Variants in NXN observed in about 807,000 individuals in gnomAD.
The protein encoded by NXN is nucleoredoxin 1.
Under a neutral mutation model 48.6 loss-of-function variants are expected in NXN, and 16 were observed. The ratio of observed to expected loss-of-function variants is 0.33; its 90% CI spans 0.22 to 0.50. The LOEUF is 0.50. Among genes scored for constraint, NXN ranks in the 20% least tolerant of loss-of-function variants. NXN has a pLI of 0.98. For synonymous variants in NXN, 281 were observed against 269.6 expected (o/e 1.04, Z -0.41); for missense variants, 492 against 605.5 (o/e 0.81, Z 1.97).
intron 1 of NXN, among the ~76,000 whole-genome samples, chr17:861,069 G>A (rs2068035358): frequency 6.6e-6 from 1 of 152,118 alleles, no homozygotes; most frequent in Non-Finnish European, 1.5e-5. Context: ...AAGGGCCCTG[G>A]GCAGCTGGTT....
In NXN at chr17:802,047, A is replaced by T. The variant is rs901836326; in HGVS notation, c.1126-916T>A. ...GCAGCTGTCCTGGTGAATTTCCCTA[A>T]TAGCAGACATAGCCTCATGCAGACA... On this transcript the variant is annotated intron_variant, in intron 7 of 7. Transcript: ENST00000336868. Among the ~76,000 whole-genome samples the T allele has an allele frequency of 5.3e-5, 8 of 152,200 alleles. No individual in the cohort carries two copies. In the South Asian group the frequency reaches 1.2e-3, roughly 24 times the overall value.
chr17:976,468 A>G (rs1249801283), intron 1 of NXN, among the ~76,000 whole-genome samples: 1 of 152,196 alleles, frequency 6.6e-6, no homozygotes, highest in Non-Finnish European at 1.5e-5. Flanking sequence ...TGTTAATGAG[A>G]ATTTAAAAAA....
intron 1 of NXN, among the ~76,000 whole-genome samples, chr17:965,306 T>C (rs1056635155): frequency 2.0e-5 from 3 of 152,194 alleles, no homozygotes; most frequent in African/African-American, 7.2e-5. Context: ...ATTCTCCAGA[T>C]GGCAGAGAGC....
intron 1 of NXN, among the ~76,000 whole-genome samples, chr17:887,862 A>G (rs2144856430): frequency 6.6e-6 from 1 of 152,358 alleles, no homozygotes; most frequent in Non-Finnish European, 1.5e-5. Flanking sequence ...CAGAGAGGCA[A>G]GGACGTGGGC....
At chr17:968,401 C>G (rs1298316091) in intron 1 of NXN, among the ~76,000 whole-genome samples, 1 of 152,140 alleles carries the variant, frequency 6.6e-6, no homozygotes, top group East Asian at 1.9e-4. Context: ...TAGAATTACA[C>G]CCATATGCAA....
chr17:830,419 A>G lies in NXN; in HGVS notation c.361-4341T>C, dbSNP rs1174082704. Among the ~76,000 whole-genome samples the G allele has an allele frequency of 6.6e-6, 1 of 152,078 alleles. No homozygotes were observed. Among genetic ancestry groups the G allele is most frequent in the Non-Finnish European group, 1.5e-5 (1 of 68,024 alleles). On this transcript the variant is annotated intron_variant, in intron 1 of 7. Transcript: ENST00000336868. This position sits in a 1 kb window ranked among gnomAD's most constrained non-coding sequence, Gnocchi z 4.2. ...TCACGGCTGCAACTGGGAAGCTGGG[A>G]TGGCAGCGTGGATTCCAGAGACAGG...
chr17:838,239 C>G (rs1913939990), intron 1 of NXN, among the ~76,000 whole-genome samples: 1 of 142,138 alleles, frequency 7.0e-6, no homozygotes, highest in East Asian at 2.2e-4. Context: ...TCAAGCAATT[C>G]TTCTGCCTCC....
Position 979,446 on chromosome 17 carries a change from G to T in NXN, c.233C>A (p.Ala78Glu). The change falls in exon 1 of 8, where the codon GCG (alanine) becomes GAG (glutamate). Residue 78 changes from alanine (A) to glutamate (E), a missense_variant. By Grantham distance (107) the Ala-to-Glu change is moderately radical. Transcript: ENST00000336868. ...CAGGCGCCGCCGCGGCTCGGGCTCC[G>T]CCGCCGCCCCGGCCCCCGCTCCCGG... ...PGPGAGAGAAAEPEPRRRLEI... is the reference protein window; with the variant it reads ...PGPGAGAGAAEEPEPRRRLEI... 8.0e-7 allele frequency: 1 copy of T among 1,256,392 alleles called. No homozygotes were observed. The allele number at this position is 1,256,392 out of a possible 1,614,324, so 77.8% of individuals were successfully genotyped here. A position where few individuals can be genotyped will look rare whatever the true frequency, so the allele number is the denominator to read the frequency against.
intron 1 of NXN, among the ~76,000 whole-genome samples, chr17:887,331 G>T (rs2144855045): frequency 6.6e-6 from 1 of 152,274 alleles, no homozygotes; most frequent in East Asian, 1.9e-4. Flanking sequence ...GGGAGGTGTG[G>T]ACAACGTACA....
At chr17:862,325 C>T (rs777696688) in intron 1 of NXN, among the ~76,000 whole-genome samples, 1 of 152,138 alleles carries the variant, frequency 6.6e-6, no homozygotes, top group East Asian at 1.9e-4. Flanking sequence ...GGATCAGCTT[C>T]GGCAACATAG....
intron 1 of NXN, among the ~76,000 whole-genome samples, chr17:948,358 A>C (rs1434244921): frequency 6.6e-6 from 1 of 152,126 alleles, no homozygotes; most frequent in Non-Finnish European, 1.5e-5. Context: ...CAAAGGAAAC[A>C]AAACAGAAAA....
chr17:857,854 G>A (rs776804037), intron 1 of NXN, among the ~76,000 whole-genome samples: 87 of 152,040 alleles, frequency 5.7e-4, no homozygotes, highest in Non-Finnish European at 9.9e-4. Context: ...TATTCCTTTT[G>A]TAGTTTTCTT....
At chr17:916,747 A>C (rs2068692197) in intron 1 of NXN, among the ~76,000 whole-genome samples, 3 of 152,122 alleles carry the variant, frequency 2.0e-5, no homozygotes, top group Admixed American at 1.3e-4. Flanking sequence ...AAATACAAAA[A>C]ACTAGCCAGG....
Position 801,082 on chromosome 17 carries a change from G to T in NXN, c.1175C>A (p.Ala392Asp). Residue 392 changes from alanine (A) to aspartate (D), a missense_variant, in exon 8 of 8, where the codon GCC becomes GAC. Coordinates refer to ENST00000336868, the MANE Select transcript of NXN (RefSeq NM_022463.5). The part of the protein sequence containing the change: ...LRDYTNLPEA[A>D]PLLTILDMSA... ...CATGTCCAGGATGGTGAGCAAAGGG[G>T]CAGCCTCAGGCAGGTTGGTGTAATC... 3 of 1,575,112 alleles carry T rather than the reference G, an allele frequency of 1.9e-6. No homozygotes were observed. The highest frequency in any genetic ancestry group is 2.6e-6 in the Non-Finnish European group (3 of 1,159,698).
chr17:924,017 G>A (rs1355414632), intron 1 of NXN, among the ~76,000 whole-genome samples: 1 of 151,914 alleles, frequency 6.6e-6, no homozygotes, highest in East Asian at 1.9e-4. Context: ...CAGTGGGGAG[G>A]TTTATGATTC....
In NXN at chr17:936,902, G is replaced by C. The variant is rs560903636; in HGVS notation, c.360+42417C>G. Among the ~76,000 whole-genome samples, 60 of 152,048 alleles carry C rather than the reference G, an allele frequency of 3.9e-4. 1 individual carries two copies. In the South Asian group the frequency reaches 0.012, roughly 30 times the overall value. On this transcript the variant is annotated intron_variant, in intron 1 of 7. Coordinates refer to ENST00000336868, the MANE Select transcript of NXN (RefSeq NM_022463.5). ...TGTGTTCACCATCACAACACCTATG[G>C]ATAGAAAAGAGGCAGAAAGGCCGGG...
rs541238660 is a variant in NXN, at chr17:928,697, G to A, written c.360+50622C>T. Among the ~76,000 whole-genome samples the A allele has an allele frequency of 1.5e-4, 23 of 152,230 alleles. No individual in the cohort carries two copies. In the East Asian group the frequency reaches 4.1e-3, roughly 27 times the overall value. On this transcript the variant is annotated intron_variant, in intron 1 of 7. Coordinates refer to ENST00000336868, the MANE Select transcript of NXN (RefSeq NM_022463.5). Reference sequence around the variant, plus strand: ...CTAAAAATACAAAAATTAGCCGGGCGTGGTGGTGGGCACCTGTAATCCCAG... The same window carrying A: ...CTAAAAATACAAAAATTAGCCGGGCATGGTGGTGGGCACCTGTAATCCCAG...
In NXN at chr17:952,170, A is replaced by G. The variant is rs561063753; in HGVS notation, c.360+27149T>C. On this transcript the variant is annotated intron_variant, in intron 1 of 7. Coordinates refer to ENST00000336868, the MANE Select transcript of NXN (RefSeq NM_022463.5). ...GGAGGTTGCAGAAAATTCAGGTCAC[A>G]CTGTGGGGGGGCTGGGGTCAGAGAG... Among the ~76,000 whole-genome samples the G allele has an allele frequency of 6.4e-5, 8 of 124,152 alleles. 1 individual carries two copies. In the East Asian group the frequency reaches 1.6e-3, roughly 24 times the overall value. The allele number at this position is 124,152 out of a possible 152,430, so 81.4% of individuals were successfully genotyped here. A position where few individuals can be genotyped will look rare whatever the true frequency, so the allele number is the denominator to read the frequency against.
rs1326928019 is a variant in NXN at position 811,980 on chromosome 17, T to C, written c.821-6733A>G. Among the ~76,000 whole-genome samples the C allele has an allele frequency of 4.5e-5, 6 of 133,922 alleles. No homozygotes were observed. The South Asian group carries it at 9.5e-4, about 21-fold the overall frequency. The allele number at this position is 133,922 out of a possible 152,430, so 87.9% of individuals were successfully genotyped here. On this transcript the variant is annotated intron_variant, in intron 5 of 7. Transcript: ENST00000336868. ...TCTCGCTCTGTCGCCCAGGCTGGAG[T>C]GCAGTGGCAAGATCTCGGCTCACTG...
Sources: gnomAD v4.1 joint callset for allele counts (sites outside exome capture counted in the v4.1 genomes callset) on GRCh38, gnomAD v4.1.1 for gene constraint, Gnocchi (gnomAD v3.1) non-coding constraint, MANE v1.5 for transcripts, NCBI Gene and HGNC (gene_info 2026-07-23, HGNC 2026-07-21) for gene names.